The following TLK2 variants were observed in gnomAD, a reference collection of about 807,000 sequenced individuals.
TLK2 encodes serine/threonine-protein kinase tousled-like 2.
Under a neutral mutation model 117.3 loss-of-function variants are expected in TLK2, and 6 were observed. The observed-to-expected ratio is 0.05, with a 90% CI of 0.03 to 0.10. The LOEUF (loss-of-function observed/expected upper bound fraction) is 0.10. Ranked by LOEUF, TLK2 falls within the 10% of genes least tolerant of loss-of-function variation. TLK2 has a pLI of 1.00. For missense variants in TLK2, 299 were observed against 901.2 expected (o/e 0.33, Z 8.56); for synonymous variants, 257 against 316.7 (o/e 0.81, Z 2.00).
chr17:62,516,843 T>G (rs1304271421), intron 2 of TLK2: 1 of 949,758 alleles, frequency 1.1e-6, no homozygotes, highest in Admixed American at 2.2e-5. Flanking sequence ...TGATGTGTTT[T>G]GAGTTAATTT....
intron 2 of TLK2, among the ~76,000 whole-genome samples, chr17:62,506,097 A>T (rs993698970): frequency 1.3e-5 from 2 of 152,362 alleles, no homozygotes; most frequent in Non-Finnish European, 2.9e-5. Context: ...CATAAGTAAC[A>T]GTTATCTAGC....
At chr17:62,510,227 G>A (rs2075038119) in intron 2 of TLK2, among the ~76,000 whole-genome samples, 2 of 152,138 alleles carry the variant, frequency 1.3e-5, no homozygotes, top group East Asian at 1.9e-4. Flanking sequence ...AGCCAGGATT[G>A]GAACACTGCA....
intron 7 of TLK2, among the ~76,000 whole-genome samples, chr17:62,547,567 T>C (rs1249895089): frequency 6.6e-6 from 1 of 152,200 alleles, no homozygotes; most frequent in Non-Finnish European, 1.5e-5. Flanking sequence ...ATTTTCTGCT[T>C]CCCAACTGAG....
intron 15 of TLK2, among the ~76,000 whole-genome samples, chr17:62,583,686 TC>T (rs1396444425): frequency 2.6e-5 from 4 of 152,264 alleles, no homozygotes; most frequent in African/African-American, 9.6e-5. Flanking sequence ...CAAGTGATTC[TC>T]CTGGCTCAGC....
chr17:62,573,512 T>C (rs878943984), intron 12 of TLK2, 145 bp downstream of exon 12: 2 of 1,119,692 alleles, frequency 1.8e-6, no homozygotes, highest in Non-Finnish European at 2.5e-6. Context: ...TTTGCTCAAC[T>C]CATATAAATG....
At chr17:62,486,359 T>C (rs915726435) in intron 2 of TLK2, among the ~76,000 whole-genome samples, 4 of 151,018 alleles carry the variant, frequency 2.6e-5, no homozygotes, top group East Asian at 3.9e-4. Context: ...GGTTTTGCCA[T>C]GTTAGTTGGC....
chr17:62,527,088 G>A (rs2076413034), intron 6 of TLK2, among the ~76,000 whole-genome samples: 1 of 152,128 alleles, frequency 6.6e-6, no homozygotes. Context: ...TGTGAAAAAC[G>A]CTTTTGCTAT....
At chr17:62,548,489 G>T (rs564484200) in intron 7 of TLK2, among the ~76,000 whole-genome samples, 76 of 151,852 alleles carry the variant, frequency 5.0e-4, no homozygotes, top group African/African-American at 1.8e-3. Context: ...CACCATATTG[G>T]CCAGGCTGGT....
intron 15 of TLK2, among the ~76,000 whole-genome samples, chr17:62,585,383 CA>C (rs1161540839): frequency 2.6e-5 from 4 of 152,290 alleles, no homozygotes; most frequent in African/African-American, 4.8e-5. Context: ...ACTAAAAATA[CA>C]AAAATTAGCC....
chr17:62,483,278 C>G (rs2071911729), intron 2 of TLK2, among the ~76,000 whole-genome samples: 1 of 145,892 alleles, frequency 6.9e-6, no homozygotes, highest in African/African-American at 2.6e-5. Flanking sequence ...GGTTGTTGTT[C>G]TGTTTTTAGG....
chr17:62,512,291 C>T (rs1166214473), intron 2 of TLK2, among the ~76,000 whole-genome samples: 10 of 131,776 alleles, frequency 7.6e-5, no homozygotes, highest in South Asian at 2.6e-4. Context: ...GGCATGGTCT[C>T]GGCTTACTGC....
intron 2 of TLK2, among the ~76,000 whole-genome samples, chr17:62,513,996 G>GT (rs1395343396): frequency 6.6e-6 from 1 of 151,832 alleles, no homozygotes; most frequent in Non-Finnish European, 1.5e-5. Flanking sequence ...CCAAGGGTCT[G>GT]TTTTTATAAG....
chr17:62,589,715 A>C (rs2081928586), intron 16 of TLK2, among the ~76,000 whole-genome samples: 1 of 152,208 alleles, frequency 6.6e-6, no homozygotes, highest in Non-Finnish European at 1.5e-5. Context: ...AGTTAAAACC[A>C]AAGGGTAGAG....
At chr17:62,549,165 G>C (rs1302373707) in intron 7 of TLK2, among the ~76,000 whole-genome samples, 1 of 148,442 alleles carries the variant, frequency 6.7e-6, no homozygotes, top group Non-Finnish European at 1.5e-5. Flanking sequence ...AGGCCGAGGT[G>C]GGGGGATCAT....
At chr17:62,592,184 C>T (rs965373399) in intron 16 of TLK2, among the ~76,000 whole-genome samples, 1 of 152,022 alleles carries the variant, frequency 6.6e-6, no homozygotes, top group African/African-American at 2.4e-5. Flanking sequence ...GTCTTGAACT[C>T]CCGACCTCAG....
At chr17:62,588,971 G>A (rs2081867743) in intron 16 of TLK2, among the ~76,000 whole-genome samples, 1 of 152,100 alleles carries the variant, frequency 6.6e-6, no homozygotes, top group South Asian at 2.1e-4. Context: ...TCTGTTAATT[G>A]CGTTTCCATT....
chr17:62,595,627 T>C (rs973806514), intron 16 of TLK2, among the ~76,000 whole-genome samples: 1 of 151,958 alleles, frequency 6.6e-6, no homozygotes, highest in Non-Finnish European at 1.5e-5. Context: ...CCCCGTCATA[T>C]GTGTGGCTTA....
chr17:62,578,634 A>G, intron 14 of TLK2, 60 bp downstream of exon 14: 1 of 1,261,626 alleles, frequency 7.9e-7, no homozygotes, highest in Non-Finnish European at 1.2e-6. Flanking sequence ...ATATGAATTG[A>G]ATGGTCTAGA....
intron 16 of TLK2, among the ~76,000 whole-genome samples, chr17:62,591,370 A>C (rs2082069345): frequency 6.6e-6 from 1 of 152,090 alleles, no homozygotes; most frequent in African/African-American, 2.4e-5. Context: ...AAAAAAAAAA[A>C]ACCAGCGTGG....
Sources: allele counts gnomAD v4.1 joint callset (sites outside exome capture counted in the v4.1 genomes callset), GRCh38; gene constraint gnomAD v4.1.1; transcripts MANE v1.5; gene names NCBI Gene and HGNC (gene_info 2026-07-23, HGNC 2026-07-21).